The following CACNA1C variants were observed in gnomAD, a reference collection of about 807,000 sequenced individuals.
CACNA1C encodes the protein voltage-dependent L-type calcium channel subunit alpha-1C.
In CACNA1C, 30 loss-of-function variants were observed where a neutral mutation model predicts 229.0. That is an observed-to-expected ratio of 0.13 (90% confidence interval 0.10 to 0.18). The LOEUF is 0.18. CACNA1C is among the 10% of genes least tolerant of loss of function. The pLI is 1.00. For synonymous variants in CACNA1C, 1,114 were observed against 1,132.5 expected, an observed-to-expected ratio of 0.98 and a Z score of 0.33; for missense variants, 1,658 against 2,845.0, an observed-to-expected ratio of 0.58 and a Z score of 9.49.
chr12:2,166,488 G>A (rs2096239388), intron 3 of CACNA1C, among the ~76,000 whole-genome samples: 1 of 152,204 alleles, frequency 6.6e-6, no homozygotes, highest in African/African-American at 2.4e-5. Context: ...AGATACCTAA[G>A]GAGTGTCAGC....
At chr12:2,338,935 A>G (rs953404689) in intron 3 of CACNA1C, among the ~76,000 whole-genome samples, 62 of 152,186 alleles carry the variant, frequency 4.1e-4, no homozygotes, top group Admixed American at 2.0e-4. Context: ...ATTATGAGTT[A>G]CAGATTGTTT....
intron 5 of CACNA1C, among the ~76,000 whole-genome samples, chr12:2,463,723 C>T (rs866569382): frequency 2.6e-5 from 4 of 152,176 alleles, no homozygotes; most frequent in Admixed American, 2.0e-4. Context: ...GCAAGGCTAA[C>T]GGCTTGATTA....
intron 18 of CACNA1C, among the ~76,000 whole-genome samples, chr12:2,588,704 C>T (rs754746329): frequency 5.3e-5 from 8 of 152,308 alleles, no homozygotes; most frequent in African/African-American, 1.7e-4. Context: ...CCTCCCAGAT[C>T]GGTATACCCT....
intron 3 of CACNA1C, among the ~76,000 whole-genome samples, chr12:2,321,110 C>T (rs550273797): frequency 9.2e-5 from 14 of 152,316 alleles, no homozygotes; most frequent in African/African-American, 3.1e-4. Flanking sequence ...CCAACAGAGG[C>T]TGTCTGCTTG....
intron 3 of CACNA1C, among the ~76,000 whole-genome samples, chr12:2,321,856 A>G (rs907180379): frequency 9.1e-4 from 139 of 152,280 alleles, no homozygotes; most frequent in African/African-American, 3.2e-3. Context: ...TGTGATGGCA[A>G]CTGGTTCCTT....
intron 4 of CACNA1C, among the ~76,000 whole-genome samples, chr12:2,456,115 C>G (rs759350600): frequency 2.6e-5 from 4 of 152,216 alleles, no homozygotes; most frequent in Non-Finnish European, 4.4e-5. Context: ...AATGTCCATT[C>G]CGCCATATCT....
rs112416920 is a variant in CACNA1C at position 2,171,505 on chromosome 12, C to T, written c.477+51075C>T. Among the ~76,000 whole-genome samples, 51 of 152,272 alleles carry T rather than the reference C, an allele frequency of 3.3e-4. 1 individual carries two copies. Among genetic ancestry groups the T allele is most frequent in the East Asian group, 1.9e-3 (10 of 5,172 alleles). On this transcript the variant is annotated intron_variant, in intron 3 of 46. Transcript: ENST00000399655. ...GGGAGGTGGGGACTCCACAGGGTTC[C>T]GCCATTTCCTGGGAAGGGAACCTTA...
intron 3 of CACNA1C, among the ~76,000 whole-genome samples, chr12:2,208,458 C>T (rs533139773): frequency 6.6e-6 from 1 of 152,282 alleles, no homozygotes; most frequent in South Asian, 2.1e-4. Context: ...GTTATTAACA[C>T]CTGGCACTGC....
At chr12:2,066,432 T>C (rs1172400869) in intron 1 of CACNA1C, among the ~76,000 whole-genome samples, 1 of 151,774 alleles carries the variant, frequency 6.6e-6, no homozygotes, top group Admixed American at 6.6e-5. Context: ...TGCAGGGTCT[T>C]GGGGATCAAG....
chr12:2,110,053 A>G (rs1050297260), intron 1 of CACNA1C, among the ~76,000 whole-genome samples: 2 of 151,872 alleles, frequency 1.3e-5, no homozygotes, highest in African/African-American at 4.8e-5. Flanking sequence ...TGGATTAAAG[A>G]AAAAAAAATT....
At chr12:2,168,054 TTGTG>T (rs1489073531) in intron 3 of CACNA1C, among the ~76,000 whole-genome samples, 1 of 152,104 alleles carries the variant, frequency 6.6e-6, no homozygotes, top group African/African-American at 2.4e-5. Flanking sequence ...GTAGGTCAGT[TTGTG>T]TGTGGGGGGG....
intron 18 of CACNA1C, among the ~76,000 whole-genome samples, chr12:2,588,054 C>G (rs2063330476): frequency 6.6e-6 from 1 of 152,224 alleles, no homozygotes; most frequent in African/African-American, 2.4e-5. Flanking sequence ...GCTCTTCCTG[C>G]CTTCCCATTT....
chr12:2,496,092 C>T (rs1293838019), intron 7 of CACNA1C, among the ~76,000 whole-genome samples: 1 of 152,152 alleles, frequency 6.6e-6, no homozygotes, highest in Non-Finnish European at 1.5e-5. Flanking sequence ...ATAAAAATAC[C>T]CAAACCTCCC....
chr12:2,421,481 C>T (rs1207403873), intron 3 of CACNA1C, among the ~76,000 whole-genome samples: 1 of 152,154 alleles, frequency 6.6e-6, no homozygotes, highest in Non-Finnish European at 1.5e-5. Context: ...AGAGGAACAT[C>T]CCAGATTGGA....
intron 9 of CACNA1C, among the ~76,000 whole-genome samples, chr12:2,515,465 G>A (rs1233456776): frequency 6.6e-6 from 1 of 152,230 alleles, no homozygotes; most frequent in Admixed American, 6.5e-5. Context: ...TTTGAAGCAT[G>A]TGTGTTTCAA....
At chr12:2,531,517 C>G (rs575578656) in intron 9 of CACNA1C, among the ~76,000 whole-genome samples, 19 of 152,348 alleles carry the variant, frequency 1.2e-4, no homozygotes, top group African/African-American at 4.3e-4. Context: ...AAGCCCCATC[C>G]AGCCCTGTCT....
intron 3 of CACNA1C, among the ~76,000 whole-genome samples, chr12:2,272,531 G>C (rs772972233): frequency 6.6e-6 from 1 of 152,202 alleles, no homozygotes; most frequent in African/African-American, 2.4e-5. Context: ...CTGTGGATTT[G>C]CCTGTAAATT....
At chr12:1,983,124 T>TC (rs1199474120) in intron 1 of CACNA1C, among the ~76,000 whole-genome samples, 1 of 151,936 alleles carries the variant, frequency 6.6e-6, no homozygotes, top group Non-Finnish European at 1.5e-5. Flanking sequence ...ATTTGTGTCT[T>TC]CTTTTTTTTT....
At chr12:2,116,812 A>G (rs2154139795) in intron 2 of CACNA1C, among the ~76,000 whole-genome samples, 1 of 152,276 alleles carries the variant, frequency 6.6e-6, no homozygotes, top group Middle Eastern at 3.4e-3. Flanking sequence ...AATTTTTATA[A>G]TAAGGATTCC....
Sources: allele counts gnomAD v4.1 joint callset (sites outside exome capture counted in the v4.1 genomes callset), GRCh38; gene constraint gnomAD v4.1.1; transcripts MANE v1.5; gene names NCBI Gene and HGNC (gene_info 2026-07-23, HGNC 2026-07-21).